SCAP: variants seen among roughly 807,000 people sequenced by gnomAD.
The protein encoded by SCAP is sterol regulatory element-binding protein cleavage-activating protein.
In SCAP, 65 loss-of-function variants were observed where a neutral mutation model predicts 123.6. That is an observed-to-expected ratio of 0.53 (90% CI 0.43 to 0.65). SCAP has a LOEUF of 0.65. Ranked by LOEUF, SCAP falls within the 30% of genes least tolerant of loss-of-function variation. The probability of loss-of-function intolerance (pLI) is 0.00; values close to 1 mark genes in which losing one functional copy is unlikely to be tolerated. For missense variants in SCAP, 1,398 were observed against 1,712.5 expected (o/e 0.82, Z 3.24); for synonymous variants, 740 against 726.3 (o/e 1.02, Z -0.30).
intron 18 of SCAP, 100 bp downstream of exon 18, chr3:47,417,022 C>T: frequency 4.0e-6 from 4 of 1,011,428 alleles, no homozygotes; most frequent in Non-Finnish European, 6.0e-6. Flanking sequence ...TCGAATCATA[C>T]AGTACAGCAG....
chr3:47,417,846 A>AGTGAGTGGGGGCACGGGGGAGGGGG lies in SCAP; in HGVS notation c.2448-21_2448-20insCCCCCTCCCCCGTGCCCCCACTCAC. ...TGCCTGCTGGGGGCCAGGAGGGCGG[A>AGTGAGTGGGGGCACGGGGGAGGGGG]GTGAGAGGGGGCACGGGGGAGGGGG... is the stretch of plus-strand genomic sequence containing the variant. On this transcript the variant is annotated intron_variant, in intron 16 of 22. Transcript: ENST00000265565. The AGTGAGTGGGGGCACGGGGGAGGGGG allele has an allele frequency of 3.7e-6, 4 of 1,082,788 alleles. No individual in the cohort carries two copies. The highest frequency in any genetic ancestry group is 7.7e-5 in the East Asian group (1 of 13,030). 67.1% of individuals were successfully genotyped at this position (1,082,788 alleles called of 1,614,324 possible). A position where few individuals can be genotyped will look rare whatever the true frequency, so the allele number is the denominator to read the frequency against.
At chr3:47,466,310 T>C (rs1249798431) in intron 1 of SCAP, among the ~76,000 whole-genome samples, 4 of 152,142 alleles carry the variant, frequency 2.6e-5, no homozygotes, top group African/African-American at 9.7e-5. Context: ...AATGTGGTAC[T>C]GGCATAAGGT....
intron 1 of SCAP, among the ~76,000 whole-genome samples, chr3:47,468,169 G>A (rs1026812322): frequency 1.8e-4 from 28 of 152,126 alleles, no homozygotes; most frequent in African/African-American, 4.1e-4. Context: ...GAATAGTGCC[G>A]TAATAAACAT....
In SCAP at chr3:47,418,552, A is replaced by G. The variant is rs1160215983; in HGVS notation, c.2130-30T>C. ...ACGGGAGGGCGGACTGCTGTGAGAC[A>G]CACCTCACAGCCTGTCCCCTCCCCT... On this transcript the variant is annotated intron_variant, in intron 14 of 22. Transcript: ENST00000265565. 1.9e-6 allele frequency: 3 copies of G among 1,566,600 alleles called. No homozygotes were observed. In the African/African-American group the frequency reaches 4.1e-5, roughly 21 times the overall value.
intron 16 of SCAP, 28 bp downstream of exon 16, chr3:47,418,106 C>T: frequency 6.5e-7 from 1 of 1,529,628 alleles, no homozygotes; most frequent in Non-Finnish European, 8.8e-7. Context: ...TGTGGGGGCA[C>T]AAAGGAGGAA....
intron 2 of SCAP, among the ~76,000 whole-genome samples, chr3:47,437,051 T>C (rs1706605450): frequency 1.3e-5 from 2 of 152,270 alleles, no homozygotes; most frequent in African/African-American, 4.8e-5. Context: ...TCATTGCTTT[T>C]TGGATACATA....
At chr3:47,456,508 G>A (rs1707429197) in intron 1 of SCAP, among the ~76,000 whole-genome samples, 1 of 152,018 alleles carries the variant, frequency 6.6e-6, no homozygotes, top group Non-Finnish European at 1.5e-5. Flanking sequence ...GCTCATGCCT[G>A]TAATCCCAGC....
At chr3:47,440,476 A>C (rs1706750361) in intron 2 of SCAP, among the ~76,000 whole-genome samples, 1 of 152,160 alleles carries the variant, frequency 6.6e-6, no homozygotes, top group African/African-American at 2.4e-5. Context: ...AATTTTCTCA[A>C]GTCAATCAGG....
Position 47,415,091 on chromosome 3 carries a change from C to A in SCAP, c.3139+7G>T. ...TGTGAACACCTGCCCACCCCAGGCCCTCCGACCTCTAAACTGCAGGGGGCT... is the reference window on the plus strand; with the variant it reads ...TGTGAACACCTGCCCACCCCAGGCCATCCGACCTCTAAACTGCAGGGGGCT... On this transcript the variant is annotated splice_region_variant and intron_variant, in intron 19 of 22. Coordinates refer to ENST00000265565, the MANE Select transcript of SCAP (RefSeq NM_012235.4). 1 of 1,601,388 alleles carries A rather than the reference C, an allele frequency of 6.2e-7. No individual in the cohort carries two copies. The highest frequency in any genetic ancestry group is 8.5e-7 in the Non-Finnish European group (1 of 1,175,582).
chr3:47,414,270 A>G lies in SCAP; in HGVS notation c.3504T>C (p.Cys1168=). The G allele has an allele frequency of 6.2e-7, 1 of 1,613,520 alleles. No individual in the cohort carries two copies. Among genetic ancestry groups the G allele is most frequent in the Non-Finnish European group, 8.5e-7 (1 of 1,180,016 alleles). Residue 1168 remains cysteine, a synonymous_variant, in exon 22 of 23, where the codon TGT becomes TGC. Coordinates refer to ENST00000265565, the MANE Select transcript of SCAP (RefSeq NM_012235.4). ...AHRGDVTSLT[C]TTSCVISSGL... ...CACTGCTGATGACACAGGAGGTGGT[A>G]CAGGTAAGGGAGGTGACATCCCCAC... is the stretch of plus-strand genomic sequence containing the variant.
chr3:47,415,839 A>G (rs1218506634), intron 18 of SCAP, among the ~76,000 whole-genome samples: 1 of 152,220 alleles, frequency 6.6e-6, no homozygotes, highest in Admixed American at 6.5e-5. Context: ...GAGCTGGGGA[A>G]GCCAGTTTTA....
intron 1 of SCAP, among the ~76,000 whole-genome samples, chr3:47,466,532 T>C (rs747815275): frequency 1.3e-5 from 2 of 152,142 alleles, no homozygotes; most frequent in Non-Finnish European, 2.9e-5. Context: ...AAAGATGCCA[T>C]GACCAGTCAC....
At chr3:47,446,503 T>C (rs528344053) in intron 1 of SCAP, among the ~76,000 whole-genome samples, 1 of 152,254 alleles carries the variant, frequency 6.6e-6, no homozygotes, top group South Asian at 2.1e-4. Flanking sequence ...TTTTTTGTTG[T>C]TGTTGTTCTT....
intron 1 of SCAP, among the ~76,000 whole-genome samples, chr3:47,450,383 T>C (rs1707194045): frequency 8.0e-6 from 1 of 125,592 alleles, no homozygotes. Context: ...TAAAGTTTTC[T>C]ACAAAAAGCA....
rs1313296688 is a variant in SCAP, at chr3:47,417,754, A to G, written c.2520T>C (p.Gly840=). Residue 840 remains glycine, a synonymous_variant, in exon 17 of 23, where the codon GGT becomes GGC. Coordinates refer to ENST00000265565, the MANE Select transcript of SCAP (RefSeq NM_012235.4). ...AQESWERLSD[G]GKAGPEEPGD... is the part of the protein sequence containing the mutation. ...CAGGCTCCTCTGGACCAGCCTTCCC[A>G]CCATCTGAAAGTCGTTCCCAGCTCT... The G allele has an allele frequency of 1.3e-6, 2 of 1,599,730 alleles. No homozygotes were observed. The highest frequency in any genetic ancestry group is 1.7e-6 in the Non-Finnish European group (2 of 1,175,574).
At chr3:47,454,886 G>A (rs919843603) in intron 1 of SCAP, among the ~76,000 whole-genome samples, 101 of 151,706 alleles carry the variant, frequency 6.7e-4, no homozygotes, top group African/African-American at 2.4e-3. Flanking sequence ...AACGTCAGGG[G>A]CCATACAGGC....
intron 9 of SCAP, among the ~76,000 whole-genome samples, chr3:47,423,146 G>A (rs1045128242): frequency 1.3e-5 from 2 of 152,176 alleles, no homozygotes; most frequent in East Asian, 3.8e-4. Context: ...ATGAATGGAC[G>A]GCTGCCTACA....
intron 16 of SCAP, 46 bp downstream of exon 16, chr3:47,418,088 A>AG (rs765735498): frequency 7.6e-6 from 9 of 1,176,988 alleles, no homozygotes; most frequent in Non-Finnish European, 9.9e-6. Context: ...GGGTGGGGTG[A>AG]GGGGGGTTGT....
chr3:47,443,276 A>ACACT (rs1676109032), intron 1 of SCAP, 185 bp from the exon 2 acceptor site: 2 of 71,728 alleles, frequency 2.8e-5, no homozygotes, highest in African/African-American at 1.4e-4. Context: ...ACACACACAC[A>ACACT]CTCTCTCTCT....
Sources: allele counts gnomAD v4.1 joint callset (sites outside exome capture counted in the v4.1 genomes callset), GRCh38; gene constraint gnomAD v4.1.1; transcripts MANE v1.5; gene names NCBI Gene and HGNC (gene_info 2026-07-23, HGNC 2026-07-21).